The following CLOCK variants were observed in gnomAD, a reference collection of about 807,000 sequenced individuals.
CLOCK encodes the protein clock circadian regulator, also known as circadian locomoter output cycles protein kaput.
Under a neutral mutation model 118.4 loss-of-function variants are expected in CLOCK, and 43 were observed. The ratio of observed to expected loss-of-function variants is 0.36; its 90% confidence interval spans 0.28 to 0.47. CLOCK has a LOEUF of 0.47. CLOCK is among the 20% of genes least tolerant of loss of function. CLOCK has a pLI of 1.00. For synonymous variants in CLOCK, 326 were observed against 339.2 expected (o/e 0.96, Z 0.43); for missense variants, 846 against 999.9 (o/e 0.85, Z 2.08).
At chr4:55,503,942 C>T (rs1728594240) in intron 2 of CLOCK, among the ~76,000 whole-genome samples, 2 of 132,534 alleles carry the variant, frequency 1.5e-5, no homozygotes, top group South Asian at 4.8e-4. Context: ...CATTCCAGAT[C>T]ACTAGTTTCC....
chr4:55,454,613 CAA>C (rs10566273), intron 13 of CLOCK, among the ~76,000 whole-genome samples: 1,585 of 69,512 alleles, frequency 0.023, 15 homozygotes, highest in African/African-American at 0.09. Flanking sequence ...GACTCCATCC[CAA>C]AAAAAAAAAA....
rs1484114582 is a variant in CLOCK at position 55,434,530 on chromosome 4, A to C, written c.*885T>G. 1 of 152,602 alleles carries C rather than the reference A, an allele frequency of 6.6e-6. No individual in the cohort carries two copies. Among genetic ancestry groups the C allele is most frequent in the Non-Finnish European group, 1.5e-5 (1 of 68,030 alleles). 9.5% of individuals were successfully genotyped at this position (152,602 alleles called of 1,614,324 possible). ...TCCTATTTTCAAACATAATTGAAAA[A>C]TAATGAAATGAGGGATATTTCTGAA... is the stretch of plus-strand genomic sequence containing the variant. On this transcript the variant is annotated 3_prime_UTR_variant, in exon 23 of 23. Coordinates refer to ENST00000513440, the MANE Select transcript of CLOCK (RefSeq NM_004898.4).
Position 55,446,547 on chromosome 4 carries a change from C to G in CLOCK, c.1540-1762G>C, listed in dbSNP as rs111299208. 3.8e-3 allele frequency among the ~76,000 whole-genome samples: 583 copies of G among 152,192 alleles called. 4 individuals are homozygous for G. The highest frequency in any genetic ancestry group is 0.013 in the African/African-American group (536 of 41,526). On this transcript the variant is annotated intron_variant, in intron 18 of 22. Coordinates refer to ENST00000513440, the MANE Select transcript of CLOCK (RefSeq NM_004898.4). ...ACTTTTATCTTCAATGGAAACTATCCTCAGATAAGTATAGAACATGGGCTT... is the reference window on the plus strand; with the variant it reads ...ACTTTTATCTTCAATGGAAACTATCGTCAGATAAGTATAGAACATGGGCTT...
intron 21 of CLOCK, among the ~76,000 whole-genome samples, chr4:55,440,593 C>CA (rs1238692428): frequency 6.6e-6 from 1 of 151,818 alleles, no homozygotes; most frequent in Non-Finnish European, 1.5e-5. Flanking sequence ...TAATGCAAAA[C>CA]AAAAAAGAAT....
intron 16 of CLOCK, 84 bp downstream of exon 16, chr4:55,450,007 G>A (rs997715322): frequency 8.1e-6 from 12 of 1,490,086 alleles, no homozygotes; most frequent in South Asian, 3.5e-5. Context: ...TTAAAGAAGC[G>A]TTTGATGAGA....
intron 20 of CLOCK, 54 bp from the exon 21 acceptor site, chr4:55,442,688 G>C: frequency 7.0e-7 from 1 of 1,433,008 alleles, no homozygotes; most frequent in Non-Finnish European, 9.7e-7. Context: ...AATTATTTGG[G>C]AAGTATGCTA....
At chr4:55,455,845 A>G in intron 13 of CLOCK, 52 bp downstream of exon 13, 1 of 1,175,978 alleles carries the variant, frequency 8.5e-7, no homozygotes, top group Non-Finnish European at 1.3e-6. Context: ...TCAGGACAGG[A>G]CTTCTGCTTA....
At chr4:55,530,103 G>C (rs1313513313) in intron 1 of CLOCK, among the ~76,000 whole-genome samples, 2 of 131,968 alleles carry the variant, frequency 1.5e-5, no homozygotes, top group African/African-American at 5.1e-5. Context: ...CATAACTGAA[G>C]GGAGACACTT....
chr4:55,507,383 T>C (rs1322689884), intron 2 of CLOCK, among the ~76,000 whole-genome samples: 1 of 151,480 alleles, frequency 6.6e-6, no homozygotes, highest in Non-Finnish European at 1.5e-5. Context: ...AAGGCTGAGG[T>C]TGGGGGAACA....
chr4:55,543,093 A>C (rs1731389939), intron 1 of CLOCK, among the ~76,000 whole-genome samples: 1 of 152,060 alleles, frequency 6.6e-6, no homozygotes, highest in African/African-American at 2.4e-5. Context: ...TTTTTAAAAA[A>C]ATTTTGTAGC....
chr4:55,442,576 T>G lies in CLOCK; in HGVS notation c.1961A>C (p.Gln654Pro), dbSNP rs1477435735. ...ATACAGTGGGGCTGTAAGAGTGCTC[T>G]GTGTCTGACTGGGTAGAGATGTTTG... ...SQQTSLPSQT[Q>P]STLTAPLYNT... Residue 654 changes from glutamine to proline, a missense_variant, in exon 21 of 23, where the codon CAG (glutamine) becomes CCG (proline). Transcript: ENST00000513440. The G allele has an allele frequency of 6.2e-7, 1 of 1,612,468 alleles. No individual in the cohort carries two copies.
chr4:55,542,752 A>G (rs1577887146), intron 1 of CLOCK, among the ~76,000 whole-genome samples: 2 of 152,248 alleles, frequency 1.3e-5, no homozygotes, highest in East Asian at 3.9e-4. Context: ...TTAGTTAAGG[A>G]CAGTCTGCTT....
intron 14 of CLOCK, chr4:55,453,390 C>G: frequency 4.1e-6 from 2 of 488,796 alleles, no homozygotes; most frequent in South Asian, 7.4e-5. Flanking sequence ...GAAGTGTATG[C>G]TTATCTACCT....
At chr4:55,542,694 C>T (rs951749616) in intron 1 of CLOCK, among the ~76,000 whole-genome samples, 14 of 152,020 alleles carry the variant, frequency 9.2e-5, no homozygotes, top group African/African-American at 2.9e-4. Flanking sequence ...CTCTTCTCTC[C>T]TTTTCCCTTC....
At chr4:55,441,594 G>A (rs1290883779) in intron 21 of CLOCK, among the ~76,000 whole-genome samples, 2 of 152,194 alleles carry the variant, frequency 1.3e-5, no homozygotes, top group African/African-American at 4.8e-5. Flanking sequence ...CTTGGATGGA[G>A]CTGGAGGCCA....
In CLOCK at chr4:55,442,563, T is replaced by C; in HGVS notation, c.1974A>G (p.Thr658=). Residue 658 remains threonine (T), a synonymous_variant, in exon 21 of 23, where the codon ACA becomes ACG. Transcript: ENST00000513440. The stretch of plus-strand genomic sequence containing the variant: ...TCACCATAGTGTTATACAGTGGGGC[T>C]GTAAGAGTGCTCTGTGTCTGACTGG... ...SLPSQTQSTL[T]APLYNTMVIS... is the part of the protein sequence containing the mutation. The C allele has an allele frequency of 6.2e-7, 1 of 1,612,016 alleles. No homozygotes were observed. The highest frequency in any genetic ancestry group is 8.5e-7 in the Non-Finnish European group (1 of 1,179,732).
intron 7 of CLOCK, among the ~76,000 whole-genome samples, chr4:55,473,474 C>T (rs1249269589): frequency 6.6e-6 from 1 of 152,058 alleles, no homozygotes; most frequent in Non-Finnish European, 1.5e-5. Flanking sequence ...AACATTTCTG[C>T]TGAATACATA....
chr4:55,520,009 C>T (rs893128430), intron 1 of CLOCK, among the ~76,000 whole-genome samples: 2 of 152,120 alleles, frequency 1.3e-5, no homozygotes, highest in Admixed American at 1.3e-4. Flanking sequence ...AGACACACAA[C>T]ACCTGCAAAG....
chr4:55,461,522 G>T (rs1288122794), intron 9 of CLOCK, among the ~76,000 whole-genome samples: 1 of 152,168 alleles, frequency 6.6e-6, no homozygotes, highest in Non-Finnish European at 1.5e-5. Context: ...AGAATGGTCT[G>T]ATCCATAAGA....
Sources: allele counts gnomAD v4.1 joint callset (sites outside exome capture counted in the v4.1 genomes callset), GRCh38; gene constraint gnomAD v4.1.1; transcripts MANE v1.5; gene names NCBI Gene and HGNC (gene_info 2026-07-23, HGNC 2026-07-21).